NLK: variants seen among roughly 807,000 people sequenced by gnomAD.
The protein encoded by NLK is nemo like kinase.
A neutral mutation model predicts 59.0 loss-of-function variants in NLK; 11 were observed. The observed-to-expected ratio is 0.19, with a 90% CI of 0.12 to 0.31. The LOEUF (loss-of-function observed/expected upper bound fraction) is 0.31, where lower values mean the gene tolerates loss of function less well. Among genes scored for constraint, NLK ranks in the 10% least tolerant of loss-of-function variants. NLK has a pLI of 1.00. For missense variants in NLK, 410 were observed against 661.1 expected, an observed-to-expected ratio of 0.62 and a Z score of 4.16; for synonymous variants, 235 against 235.9, an observed-to-expected ratio of 1.00 and a Z score of 0.03.
intron 1 of NLK, among the ~76,000 whole-genome samples, chr17:28,112,576 T>C (rs545259248): frequency 6.6e-6 from 1 of 152,312 alleles, no homozygotes; most frequent in Non-Finnish European, 1.5e-5. Flanking sequence ...TTGTCTAGTT[T>C]TATAGTTGTT....
rs145498141 is a variant in NLK, at chr17:28,117,489, T to C, written c.459-5114T>C. Among the ~76,000 whole-genome samples the C allele has an allele frequency of 1.8e-3, 279 of 152,320 alleles. 1 individual carries two copies. Among genetic ancestry groups the C allele is most frequent in the African/African-American group, 6.3e-3 (262 of 41,578 alleles). On this transcript the variant is annotated intron_variant, in intron 1 of 10. Transcript: ENST00000407008. ...ATTAGAATGGCCCAGTGCTGTCTTA[T>C]CTGCTGAGATCTTTGCTATTTTTAG...
chr17:28,171,927 A>T (rs919534975), intron 6 of NLK, among the ~76,000 whole-genome samples: 8 of 152,078 alleles, frequency 5.3e-5, no homozygotes, highest in Middle Eastern at 3.2e-3. Context: ...AGGAACTTTT[A>T]AATAAATAAG....
chr17:28,135,510 C>T (rs1344680782), intron 3 of NLK, among the ~76,000 whole-genome samples: 1 of 152,284 alleles, frequency 6.6e-6, no homozygotes, highest in Middle Eastern at 3.4e-3. Flanking sequence ...GCCCAAAGCC[C>T]CAGGTATACT....
At chr17:28,135,363 T>C (rs1019279930) in intron 3 of NLK, among the ~76,000 whole-genome samples, 3 of 152,216 alleles carry the variant, frequency 2.0e-5, no homozygotes, top group Non-Finnish European at 4.4e-5. Flanking sequence ...CCCATGTGAG[T>C]GACCTTAGCT....
In NLK at chr17:28,122,723, G is replaced by A. The variant is rs768066319; in HGVS notation, c.579G>A (p.Lys193=). Residue 193 remains lysine (K), a synonymous_variant, in exon 2 of 11, where the codon AAG becomes AAA. Coordinates refer to ENST00000407008, the MANE Select transcript of NLK (RefSeq NM_016231.5). ...AATTGAAGATGTTGTGTTTTTTTAA[G>A]CATGATAATGTAAGTGAAATTGGTA... ...FRELKMLCFF[K]HDNVLSALDI... is the part of the protein sequence containing the mutation. The A allele has an allele frequency of 1.4e-5, 23 of 1,613,740 alleles. No individual in the cohort carries two copies. In the Admixed American group the frequency reaches 3.8e-4, roughly 27 times the overall value.
intron 3 of NLK, among the ~76,000 whole-genome samples, chr17:28,143,043 C>CTT (rs527832848): frequency 1.5e-4 from 21 of 135,978 alleles, no homozygotes; most frequent in Middle Eastern, 3.8e-3. Flanking sequence ...AAGATGAAAA[C>CTT]TTTTTTTTTT....
At chr17:28,199,665 C>CAAAAAAAAAAAAAAAAAAAAAAA (rs1303411168), downstream of NLK, among the ~76,000 whole-genome samples, 7 of 33,576 alleles carry the variant, frequency 2.1e-4, no homozygotes, top group Non-Finnish European at 2.7e-4. Flanking sequence ...GACTCTGTCT[C>CAAAAAAAAAAAAAAAAAAAAAAA]AAAAAAAAAA....
At chr17:28,090,754 G>A (rs929372637) in intron 1 of NLK, among the ~76,000 whole-genome samples, 4 of 151,782 alleles carry the variant, frequency 2.6e-5, no homozygotes, top group African/African-American at 7.3e-5. Context: ...GCAATTTTAG[G>A]GTGACTTCCT....
At chr17:28,184,922 T>C (rs977689650) in intron 7 of NLK, among the ~76,000 whole-genome samples, 1 of 152,122 alleles carries the variant, frequency 6.6e-6, no homozygotes, top group Non-Finnish European at 1.5e-5. Flanking sequence ...CACCCTAGCC[T>C]GGGTGAGAGA....
At chr17:28,125,084 A>T (rs1906240458) in intron 2 of NLK, among the ~76,000 whole-genome samples, 1 of 152,036 alleles carries the variant, frequency 6.6e-6, no homozygotes, top group Non-Finnish European at 1.5e-5. Context: ...CTTACTAATG[A>T]TGTCAATGGC....
At chr17:28,175,978 A>G (rs542787502) in intron 7 of NLK, among the ~76,000 whole-genome samples, 1 of 152,328 alleles carries the variant, frequency 6.6e-6, no homozygotes, top group Non-Finnish European at 1.5e-5. Flanking sequence ...GATAAGCTTC[A>G]GTTTTTTTTA....
intron 3 of NLK, among the ~76,000 whole-genome samples, chr17:28,144,278 T>G (rs1268521609): frequency 6.6e-6 from 1 of 152,102 alleles, no homozygotes; most frequent in Non-Finnish European, 1.5e-5. Flanking sequence ...TTTAAAGCAC[T>G]GTTTAAAGTT....
chr17:28,082,668 A>G (rs1443483052), intron 1 of NLK, among the ~76,000 whole-genome samples: 1 of 152,210 alleles, frequency 6.6e-6, no homozygotes, highest in Non-Finnish European at 1.5e-5. Flanking sequence ...AGCAGAATTT[A>G]ATGTTGACCT....
At chr17:28,092,367 C>T (rs1232620954) in intron 1 of NLK, among the ~76,000 whole-genome samples, 4 of 152,134 alleles carry the variant, frequency 2.6e-5, no homozygotes, top group African/African-American at 9.7e-5. Context: ...TTTCAGAAAA[C>T]TTGTGGATGT....
chr17:28,049,369 A>G (rs186075031), intron 1 of NLK, among the ~76,000 whole-genome samples: 38 of 152,330 alleles, frequency 2.5e-4, no homozygotes, highest in African/African-American at 8.9e-4. Context: ...TGAGGCAGTG[A>G]AAGTTTTTAA....
intron 2 of NLK, among the ~76,000 whole-genome samples, chr17:28,131,658 T>A (rs1288032077): frequency 6.6e-6 from 1 of 151,762 alleles, no homozygotes; most frequent in Admixed American, 6.6e-5. Context: ...CCACACAATT[T>A]ATTTCCTGTT....
chr17:28,060,487 G>T (rs1226230552), intron 1 of NLK, among the ~76,000 whole-genome samples: 2 of 151,996 alleles, frequency 1.3e-5, no homozygotes, highest in Admixed American at 6.6e-5. Flanking sequence ...GCCCAGACTG[G>T]TCTCTAACTC....
intron 2 of NLK, among the ~76,000 whole-genome samples, chr17:28,127,747 A>T (rs950656390): frequency 1.3e-5 from 2 of 152,220 alleles, no homozygotes; most frequent in Non-Finnish European, 2.9e-5. Flanking sequence ...AAACATCCTG[A>T]AACTTATGGA....
At chr17:28,147,849 A>G (rs547142330) in intron 3 of NLK, among the ~76,000 whole-genome samples, 11 of 152,356 alleles carry the variant, frequency 7.2e-5, no homozygotes, top group Non-Finnish European at 1.3e-4. Context: ...TCCACTAACA[A>G]TTCAGCTGCT....
Sources: allele counts gnomAD v4.1 joint callset (sites outside exome capture counted in the v4.1 genomes callset), GRCh38; gene constraint gnomAD v4.1.1; transcripts MANE v1.5; gene names NCBI Gene and HGNC (gene_info 2026-07-23, HGNC 2026-07-21).